SLC5A2: variants seen among roughly 807,000 people sequenced by gnomAD.
The protein encoded by SLC5A2 is sodium/glucose cotransporter 2.
SLC5A2 carries 67 observed loss-of-function variants against 69.0 expected under a neutral mutation model. The ratio of observed to expected loss-of-function variants is 0.97; its 90% CI spans 0.80 to 1.19. The LOEUF (loss-of-function observed/expected upper bound fraction) is 1.19, where lower values mean the gene tolerates loss of function less well. Ranked by LOEUF, SLC5A2 falls within the 50% of genes most tolerant of loss-of-function variation. The pLI, the probability that SLC5A2 is intolerant of heterozygous loss-of-function variation, is 0.00. For synonymous variants in SLC5A2, 455 were observed against 395.8 expected (o/e 1.15, Z -1.78); for missense variants, 1,001 against 921.5 (o/e 1.09, Z -1.12).
intron 7 of SLC5A2, 70 bp from the exon 8 acceptor site, chr16:31,487,968 G>C (rs2082512635): frequency 1.3e-6 from 2 of 1,598,010 alleles, no homozygotes; most frequent in African/African-American, 2.7e-5. Flanking sequence ...GCGGGGCACA[G>C]AGCGGAACGG....
At position 31,487,410 on chromosome 16, in the gene SLC5A2, C is replaced by T. The variant is rs201565434; in HGVS notation, c.655+10C>T. ...ATCCTCATGGGTTACGGTAGGGGCT[C>T]GCCTACCAGGGAGGGGCGCGGAGGG... On this transcript the variant is annotated intron_variant, in intron 6 of 13. Coordinates refer to ENST00000330498, the MANE Select transcript of SLC5A2 (RefSeq NM_003041.4). 1.1e-4 allele frequency: 177 copies of T among 1,613,422 alleles called. No individual in the cohort carries two copies. In the African/African-American group the frequency reaches 2.0e-3, roughly 18 times the overall value.
chr16:31,489,389 T>G (rs1453508295), intron 12 of SLC5A2, 51 bp downstream of exon 12: 3 of 1,533,702 alleles, frequency 2.0e-6, no homozygotes, highest in Non-Finnish European at 2.7e-6. Flanking sequence ...GCACCTACCC[T>G]CTGCTTCCTG....
rs745469388 is a variant in SLC5A2, at chr16:31,489,168, C to T, written c.1495C>T (p.Arg499Cys). The T allele has an allele frequency of 3.7e-6, 6 of 1,610,116 alleles. No individual in the cohort carries two copies. The highest frequency in any genetic ancestry group is 1.1e-5 in the South Asian group (1 of 91,082). Residue 499 changes from arginine (R) to cysteine (C), a missense_variant, in exon 12 of 14, where the codon CGC becomes TGC. Physicochemically the swap from Arg to Cys is radical, Grantham distance 180 (BLOSUM62 -3). Coordinates refer to ENST00000330498, the MANE Select transcript of SLC5A2 (RefSeq NM_003041.4). Reference sequence around the variant, plus strand: ...CGGGGGCCTGCTGATGGGCCTGGCACGCCTGATTCCCGAGTTCTCCTTCGG... The same window carrying T: ...CGGGGGCCTGCTGATGGGCCTGGCATGCCTGATTCCCGAGTTCTCCTTCGG... ...LIGGLLMGLA[R>C]LIPEFSFGSG...
Position 31,490,344 on chromosome 16 carries a change from T to G in SLC5A2, c.1828T>G (p.Cys610Gly). 6.2e-7 allele frequency: 1 copy of G among 1,612,808 alleles called. No individual in the cohort carries two copies. The highest frequency in any genetic ancestry group is 8.5e-7 in the Non-Finnish European group (1 of 1,179,548). ...CCCGGCACCAAGCCTCTTCCGCCAG[T>G]GCCTGCTCTGGTTTTGTGGAATGAG... is the stretch of plus-strand genomic sequence containing the variant. The part of the protein sequence containing the change: ...QAPAPSLFRQ[C>G]LLWFCGMSRG... Residue 610 changes from cysteine to glycine, a missense_variant, in exon 14 of 14, where the codon TGC becomes GGC. Physicochemically the swap from Cys to Gly is radical, Grantham distance 159. Transcript: ENST00000330498.
rs2082518636 is a variant in SLC5A2 at position 31,488,386 on chromosome 16, A to T, written c.1025A>T (p.Glu342Val). ...GMISRILYPD[E>V]VACVVPEVCR... is the part of the protein sequence containing the mutation. ...CGCGGTGGCCTCTCTCTGGCAGACG[A>T]GGTGGCGTGCGTGGTGCCTGAGGTG... is the stretch of plus-strand genomic sequence containing the variant. Residue 342 changes from glutamate (E) to valine (V), a missense_variant, in exon 9 of 14, where the codon GAG (glutamate) becomes GTG (valine). By Grantham distance (121) the Glu-to-Val change is moderately radical. Coordinates refer to ENST00000330498, the MANE Select transcript of SLC5A2 (RefSeq NM_003041.4). The T allele has an allele frequency of 6.2e-7, 1 of 1,611,180 alleles. No homozygotes were observed. The highest frequency in any genetic ancestry group is 1.3e-5 in the African/African-American group (1 of 74,912).
intron 12 of SLC5A2, chr16:31,489,689 G>A: frequency 2.1e-6 from 1 of 467,702 alleles, no homozygotes; most frequent in Non-Finnish European, 3.9e-6. Context: ...CTCCAGGCAG[G>A]GCTGATGGTG....
Position 31,487,771 on chromosome 16 carries a change from G to A in SLC5A2, c.885+12G>A. On this transcript the variant is annotated intron_variant, in intron 7 of 13. Transcript: ENST00000330498. ...GGTGCAGCGACCAGGTGCGGGTATA[G>A]GGCTGCGCCTGCAGTGAGGCCGGGG... is the stretch of plus-strand genomic sequence containing the variant. 2 of 1,600,244 alleles carry A rather than the reference G, an allele frequency of 1.2e-6. No individual in the cohort carries two copies. Among genetic ancestry groups the A allele is most frequent in the Non-Finnish European group, 1.7e-6 (2 of 1,174,444 alleles).
Position 31,490,084 on chromosome 16 carries a change from C to G in SLC5A2, c.1666-20C>G. ...GGGGGGACAGAACTCCCACCTCGTT[C>G]GTGCTCCCACCCTCCCCAGCTCCAC... On this transcript the variant is annotated intron_variant, in intron 12 of 13. Coordinates refer to ENST00000330498, the MANE Select transcript of SLC5A2 (RefSeq NM_003041.4). 1.9e-6 allele frequency: 3 copies of G among 1,612,990 alleles called. 1 individual carries two copies. In the South Asian group the frequency reaches 3.3e-5, roughly 18 times the overall value.
intron 3 of SLC5A2, 129 bp downstream of exon 3, chr16:31,485,052 G>A (rs747485380): frequency 1.2e-6 from 1 of 862,992 alleles, no homozygotes; most frequent in Non-Finnish European, 1.9e-6. Flanking sequence ...GGTGTGACTG[G>A]GCTGGGAGTG....
Position 31,488,485 on chromosome 16 carries a change from C to T in SLC5A2, c.1124C>T (p.Pro375Leu), listed in dbSNP as rs1479646899. The T allele has an allele frequency of 6.2e-7, 1 of 1,608,472 alleles. No individual in the cohort carries two copies. Among genetic ancestry groups the T allele is most frequent in the Non-Finnish European group, 8.5e-7 (1 of 1,178,622 alleles). ...CCGCGGCTCGTCGTGAAGCTCATGC[C>T]CAACGGTAAGGGCAGCCCCGGGCCA... ...AYPRLVVKLM[P>L]NGLRGLMLAV... Residue 375 changes from proline (P) to leucine (L), a missense_variant, in exon 9 of 14, where the codon CCC becomes CTC. Transcript: ENST00000330498.
chr16:31,485,461 A>G (rs1596617582), intron 3 of SLC5A2: 2 of 559,468 alleles, frequency 3.6e-6, no homozygotes, highest in Admixed American at 3.1e-5. Context: ...TGGGGTTCAT[A>G]TCTAGATGAT....
At chr16:31,483,354 T>C in intron 1 of SLC5A2, 92 bp downstream of exon 1, 1 of 1,531,212 alleles carries the variant, frequency 6.5e-7, no homozygotes, top group Non-Finnish European at 9.0e-7. Context: ...AGAATGATGC[T>C]TGGATCTTTG....
At chr16:31,487,809 G>A (rs759402018) in intron 7 of SLC5A2, 50 bp downstream of exon 7, 2 of 1,537,460 alleles carry the variant, frequency 1.3e-6, no homozygotes, top group Non-Finnish European at 1.8e-6. Context: ...GAGCCGAGAC[G>A]GGCGGAGCCT....
rs2082554779 is a variant in SLC5A2, at chr16:31,490,432, G to A, written c.1916G>A (p.Arg639Gln). Reference protein sequence around the residue: ...TQEEAAAAARRLEDISEDPSW... With the variant: ...TQEEAAAAARQLEDISEDPSW... Reference sequence around the variant, plus strand: ...GAGGAGGCAGCGGCAGCAGCCAGGCGGCTGGAGGACATCAGCGAGGACCCG... The same window carrying A: ...GAGGAGGCAGCGGCAGCAGCCAGGCAGCTGGAGGACATCAGCGAGGACCCG... Residue 639 changes from arginine (R) to glutamine (Q), a missense_variant, in exon 14 of 14, where the codon CGG (arginine) becomes CAG (glutamine). By Grantham distance (43) the Arg-to-Gln change is conservative. Transcript: ENST00000330498. 4 of 1,613,832 alleles carry A rather than the reference G, an allele frequency of 2.5e-6. No homozygotes were observed. Among genetic ancestry groups the A allele is most frequent in the Non-Finnish European group, 3.4e-6 (4 of 1,179,968 alleles).
rs753662678 is a variant in SLC5A2 at position 31,487,406 on chromosome 16, GGCTC to G, written c.655+9_655+12del. 1.9e-6 allele frequency: 3 copies of G among 1,612,978 alleles called. No individual in the cohort carries two copies. Among genetic ancestry groups the G allele is most frequent in the Admixed American group, 1.7e-5 (1 of 60,006 alleles). On this transcript the variant is annotated splice_region_variant and intron_variant, in intron 6 of 13. Coordinates refer to ENST00000330498, the MANE Select transcript of SLC5A2 (RefSeq NM_003041.4). ...CTGCATCCTCATGGGTTACGGTAGG[GGCTC>G]GCCTACCAGGGAGGGGCGCGGAGGG...
rs1422685101 is a variant in SLC5A2, at chr16:31,489,142, T to A, written c.1469T>A (p.Ile490Asn). 1.2e-6 allele frequency: 2 copies of A among 1,609,236 alleles called. No homozygotes were observed. Among genetic ancestry groups the A allele is most frequent in the East Asian group, 4.5e-5 (2 of 44,886 alleles). ...VNEQGAFWGL[I>N]GGLLMGLARL... is the part of the protein sequence containing the mutation. ...TCGCAGGGCGCCTTCTGGGGACTCA[T>A]CGGGGGCCTGCTGATGGGCCTGGCA... Residue 490 changes from isoleucine to asparagine, a missense_variant, in exon 12 of 14, where the codon ATC becomes AAC. Coordinates refer to ENST00000330498, the MANE Select transcript of SLC5A2 (RefSeq NM_003041.4).
At chr16:31,484,056 T>G (rs1458117487) in intron 1 of SLC5A2, among the ~76,000 whole-genome samples, 2 of 152,080 alleles carry the variant, frequency 1.3e-5, no homozygotes, top group African/African-American at 4.8e-5. Flanking sequence ...GTCACTGCAC[T>G]CCAGCCTAGG....
intron 6 of SLC5A2, 43 bp downstream of exon 6, chr16:31,487,443 G>C: frequency 6.2e-7 from 1 of 1,611,264 alleles, no homozygotes; most frequent in Non-Finnish European, 8.5e-7. Context: ...GGGCATGGTC[G>C]CGGAGCTCTC....
At chr16:31,485,507 G>GATAGCC in intron 3 of SLC5A2, 1 of 605,376 alleles carries the variant, frequency 1.7e-6, no homozygotes, top group Non-Finnish European at 2.9e-6. Context: ...GGCCAGAAGT[G>GATAGCC]ATAGCCTGGG....
Sources: gnomAD v4.1 joint callset for allele counts (sites outside exome capture counted in the v4.1 genomes callset) on GRCh38, gnomAD v4.1.1 for gene constraint, MANE v1.5 for transcripts, NCBI Gene and HGNC (gene_info 2026-07-23, HGNC 2026-07-21) for gene names.